SYNE3: variants seen among roughly 807,000 people sequenced by gnomAD.
SYNE3 encodes nesprin-3.
Under a neutral mutation model 111.2 loss-of-function variants are expected in SYNE3, and 100 were observed. That is an observed-to-expected ratio of 0.90 (90% confidence interval 0.77 to 1.06). The LOEUF (loss-of-function observed/expected upper bound fraction) is 1.06, where lower values mean the gene tolerates loss of function less well. Among genes scored for constraint, SYNE3 ranks in the 50% least tolerant of loss-of-function variants. The probability of loss-of-function intolerance (pLI) is 0.00; values close to 1 mark genes in which losing one functional copy is unlikely to be tolerated. For missense variants in SYNE3, 1,160 were observed against 1,240.3 expected, an observed-to-expected ratio of 0.94 and a Z score of 0.97; for synonymous variants, 547 against 533.9, an observed-to-expected ratio of 1.02 and a Z score of -0.34.
chr14:95,441,816 C>A (rs549788042), intron 11 of SYNE3, among the ~76,000 whole-genome samples: 16 of 152,304 alleles, frequency 1.1e-4, no homozygotes, highest in Admixed American at 2.6e-4. Flanking sequence ...ACAGGTGATG[C>A]CTTATGTCCT....
intron 2 of SYNE3, among the ~76,000 whole-genome samples, chr14:95,472,090 AG>A (rs1247551672): frequency 1.3e-5 from 2 of 152,262 alleles, no homozygotes; most frequent in Non-Finnish European, 2.9e-5. Context: ...GGAGAAATCC[AG>A]GAAGGCTTTG....
At chr14:95,505,479 A>C (rs546759000) in intron 1 of SYNE3, among the ~76,000 whole-genome samples, 4 of 152,140 alleles carry the variant, frequency 2.6e-5, no homozygotes, top group Non-Finnish European at 4.4e-5. Context: ...GATCTGTCAG[A>C]ATATTGGGCC....
rs533402953 is a variant in SYNE3, at chr14:95,452,369, C to T, written c.1152G>A (p.Ala384=). 23 of 1,610,048 alleles carry T rather than the reference C, an allele frequency of 1.4e-5. No individual in the cohort carries two copies. Among genetic ancestry groups the T allele is most frequent in the Admixed American group, 1.0e-4 (6 of 59,644 alleles). The part of the protein sequence containing the change: ...HWRRYSATRA[A]LASEEPRVDR... ...CCACCCGGGGCTCCTCCGAGGCCAG[C>T]GCCGCCCGTGTTGCCTGCAGCACAT... is the stretch of plus-strand genomic sequence containing the variant. Residue 384 remains alanine, a synonymous_variant, in exon 7 of 18, where the codon GCG becomes GCA. Transcript: ENST00000682763.
chr14:95,496,514 T>C (rs1051794952), intron 1 of SYNE3, among the ~76,000 whole-genome samples: 2 of 152,184 alleles, frequency 1.3e-5, no homozygotes, highest in Admixed American at 6.5e-5. Context: ...TCCTCTGACA[T>C]CATTCCTGGG....
At chr14:95,448,936 C>T (rs1325505985) in intron 8 of SYNE3, among the ~76,000 whole-genome samples, 1 of 152,180 alleles carries the variant, frequency 6.6e-6, no homozygotes, top group Non-Finnish European at 1.5e-5. Context: ...TTGTTTTCTT[C>T]TTCACACACC....
At chr14:95,501,713 AGGG>A (rs1890342238) in intron 1 of SYNE3, among the ~76,000 whole-genome samples, 1 of 152,158 alleles carries the variant, frequency 6.6e-6, no homozygotes, top group African/African-American at 2.4e-5. Flanking sequence ...TGGCCACAGG[AGGG>A]AAGGGCATGG....
chr14:95,483,945 C>T (rs1249949308), intron 1 of SYNE3, among the ~76,000 whole-genome samples: 5 of 152,202 alleles, frequency 3.3e-5, no homozygotes, highest in African/African-American at 9.7e-5. Context: ...CAAGCGGTCC[C>T]GAAGCCATTT....
At position 95,452,496 on chromosome 14, in the gene SYNE3, G is replaced by A; in HGVS notation, c.1138-113C>T. 7 of 1,325,188 alleles carry A rather than the reference G, an allele frequency of 5.3e-6. No homozygotes were observed. The South Asian group carries it at 1.2e-4, about 23-fold the overall frequency. 82.1% of individuals were successfully genotyped at this position (1,325,188 alleles called of 1,614,324 possible). A position where few individuals can be genotyped will look rare whatever the true frequency, so the allele number is the denominator to read the frequency against. On this transcript the variant is annotated intron_variant, in intron 6 of 17. Transcript: ENST00000682763. ...AGGTGGGCTAGGCTAGGAAGAAACT[G>A]TCACCAGGGGCAGGAACTGGGGCCC...
chr14:95,408,664 C>G lies in SYNE3; in HGVS notation c.*9162G>C, dbSNP rs1052371970. 1 of 200,246 alleles carries G rather than the reference C, an allele frequency of 5.0e-6. No individual in the cohort carries two copies. Among genetic ancestry groups the G allele is most frequent in the Non-Finnish European group, 1.0e-5 (1 of 96,504 alleles). 12.4% of individuals were successfully genotyped at this position (200,246 alleles called of 1,614,324 possible). A position where few individuals can be genotyped will look rare whatever the true frequency, so the allele number is the denominator to read the frequency against. On this transcript the variant is annotated 3_prime_UTR_variant, in exon 18 of 18. Coordinates refer to ENST00000682763, the MANE Select transcript of SYNE3 (RefSeq NM_152592.6). ...CTTCTGCATGGAGATGTGTGTAGTA[C>G]TCACACATGCTATGCTCACATACGC...
In SYNE3 at chr14:95,408,916, A is replaced by G. The variant is rs907174420; in HGVS notation, c.*8910T>C. 1 of 353,138 alleles carries G rather than the reference A, an allele frequency of 2.8e-6. No individual in the cohort carries two copies. The allele number at this position is 353,138 out of a possible 1,614,324, so 21.9% of individuals were successfully genotyped here. ...GTCCGTGCTTTTCCAGTGGGAAGGTAGACAGACAGTGGGTACCTGCTCCCG... is the reference window on the plus strand; with the variant it reads ...GTCCGTGCTTTTCCAGTGGGAAGGTGGACAGACAGTGGGTACCTGCTCCCG... On this transcript the variant is annotated 3_prime_UTR_variant, in exon 18 of 18. Transcript: ENST00000682763.
intron 1 of SYNE3, among the ~76,000 whole-genome samples, chr14:95,499,832 A>T (rs1890256913): frequency 7.0e-6 from 1 of 142,710 alleles, no homozygotes; most frequent in Non-Finnish European, 1.5e-5. Context: ...ACCTAGAAGA[A>T]TCCCCTGTAT....
intron 1 of SYNE3, among the ~76,000 whole-genome samples, chr14:95,489,934 G>A (rs888445413): frequency 1.3e-5 from 2 of 152,210 alleles, no homozygotes; most frequent in African/African-American, 2.4e-5. Context: ...ACGAGTGGGG[G>A]CAGAACAGGC....
chr14:95,473,009 C>T lies in SYNE3; in HGVS notation c.144+2669G>A, dbSNP rs556232901. Among the ~76,000 whole-genome samples the T allele has an allele frequency of 7.9e-5, 12 of 152,336 alleles. No homozygotes were observed. The South Asian group carries it at 2.5e-3, about 32-fold the overall frequency. On this transcript the variant is annotated intron_variant, in intron 2 of 17. Transcript: ENST00000682763. ...GTTGGTGGAGGAAGCACAAGAGAGA[C>T]CCCAGCACCCGGGGGCAGGTCCCAT...
At chr14:95,495,606 C>T (rs548064740) in intron 1 of SYNE3, among the ~76,000 whole-genome samples, 21 of 152,368 alleles carry the variant, frequency 1.4e-4, no homozygotes, top group African/African-American at 4.8e-4. Context: ...GATGGGGAAA[C>T]TGAAGCTGGC....
intron 2 of SYNE3, among the ~76,000 whole-genome samples, chr14:95,475,086 G>T (rs145747003): frequency 6.6e-6 from 1 of 152,240 alleles, no homozygotes; most frequent in Non-Finnish European, 1.5e-5. Context: ...CTTGTCCCCA[G>T]GCCACGGGCG....
chr14:95,458,238 C>T (rs768127394), intron 4 of SYNE3, among the ~76,000 whole-genome samples: 14 of 152,186 alleles, frequency 9.2e-5, no homozygotes, highest in Non-Finnish European at 1.9e-4. Flanking sequence ...CAGCCTAGCA[C>T]TTCAAGGACA....
chr14:95,438,898 T>G, intron 14 of SYNE3, 135 bp downstream of exon 14: 1 of 1,253,962 alleles, frequency 8.0e-7, no homozygotes, highest in Non-Finnish European at 1.1e-6. Flanking sequence ...CAGGCTCAAA[T>G]GAGACAGGAC....
chr14:95,460,016 G>A (rs966548435), intron 4 of SYNE3, among the ~76,000 whole-genome samples: 2 of 152,120 alleles, frequency 1.3e-5, no homozygotes, highest in South Asian at 2.1e-4. Flanking sequence ...AGGATCGCTT[G>A]AGCCCAGGAG....
intron 1 of SYNE3, among the ~76,000 whole-genome samples, chr14:95,511,011 C>T (rs1044824533): frequency 5.9e-5 from 9 of 152,336 alleles, no homozygotes; most frequent in South Asian, 2.1e-4. Context: ...GGCTGGGCTG[C>T]GGAATTTCAG....
Sources: gnomAD v4.1 joint callset for allele counts (sites outside exome capture counted in the v4.1 genomes callset) on GRCh38, gnomAD v4.1.1 for gene constraint, MANE v1.5 for transcripts, NCBI Gene and HGNC (gene_info 2026-07-23, HGNC 2026-07-21) for gene names.